The following ATXN1 variants were observed in gnomAD, a reference collection of about 807,000 sequenced individuals.
The protein encoded by ATXN1 is ataxin 1.
A neutral mutation model predicts 56.4 loss-of-function variants in ATXN1; 8 were observed. That is an observed-to-expected ratio of 0.14 (90% CI 0.08 to 0.26). The LOEUF (loss-of-function observed/expected upper bound fraction) is 0.26. Among genes scored for constraint, ATXN1 ranks in the 10% least tolerant of loss-of-function variants. The pLI is 1.00. For synonymous variants in ATXN1, 514 were observed against 494.6 expected (o/e 1.04, Z -0.52); for missense variants, 987 against 1,106.5 (o/e 0.89, Z 1.53).
At chr6:16,364,065 A>C (rs1761867410) in intron 6 of ATXN1, among the ~76,000 whole-genome samples, 1 of 152,124 alleles carries the variant, frequency 6.6e-6, no homozygotes, top group Admixed American at 6.5e-5. Flanking sequence ...CAGAACTTGA[A>C]AGTGTCCAGT....
At chr6:16,369,347 G>C (rs755114050) in intron 6 of ATXN1, among the ~76,000 whole-genome samples, 1 of 151,998 alleles carries the variant, frequency 6.6e-6, no homozygotes, top group Non-Finnish European at 1.5e-5. Context: ...TCCCTCCTTC[G>C]TACCTCCACC....
chr6:16,561,372 C>A (rs567640274), intron 4 of ATXN1, among the ~76,000 whole-genome samples: 8 of 152,150 alleles, frequency 5.3e-5, no homozygotes, highest in Middle Eastern at 3.2e-3. Flanking sequence ...GACTATACAA[C>A]AACCCTCTCC....
chr6:16,519,192 G>A (rs577372161), intron 5 of ATXN1, among the ~76,000 whole-genome samples: 2 of 152,226 alleles, frequency 1.3e-5, no homozygotes, highest in Non-Finnish European at 2.9e-5. Context: ...TATCCTTGAA[G>A]GGCTTAGCCT....
intron 3 of ATXN1, among the ~76,000 whole-genome samples, chr6:16,644,711 A>G (rs1274032401): frequency 2.0e-5 from 3 of 151,976 alleles, no homozygotes; most frequent in African/African-American, 7.2e-5. Flanking sequence ...TGGCTCTCCA[A>G]AGTGGGTGAG....
Position 16,320,711 on chromosome 6 carries a change from G to A in ATXN1, c.1917+5683C>T, listed in dbSNP as rs566284489. ...CCTGGGAGCCCTTGTTTCTGCATTG[G>A]TTGTCTTACTGATCTGGAGGGCTGG... On this transcript the variant is annotated intron_variant, in intron 7 of 7. Coordinates refer to ENST00000436367, the MANE Select transcript of ATXN1 (RefSeq NM_001128164.2). 2.6e-5 allele frequency among the ~76,000 whole-genome samples: 4 copies of A among 152,352 alleles called. No individual in the cohort carries two copies. The East Asian group carries it at 7.7e-4, about 29-fold the overall frequency.
intron 6 of ATXN1, among the ~76,000 whole-genome samples, chr6:16,446,206 G>A (rs946929626): frequency 1.3e-5 from 2 of 151,756 alleles, no homozygotes; most frequent in Non-Finnish European, 2.9e-5. Context: ...ACTTTTTAAT[G>A]ATTGCCATTC....
intron 2 of ATXN1, among the ~76,000 whole-genome samples, chr6:16,670,413 C>T (rs1758516695): frequency 6.6e-6 from 1 of 152,132 alleles, no homozygotes; most frequent in Admixed American, 6.5e-5. Flanking sequence ...TCCAAACTAT[C>T]ACTAAAGAGG....
chr6:16,508,710 C>T (rs886672559), intron 5 of ATXN1, among the ~76,000 whole-genome samples: 6 of 152,146 alleles, frequency 3.9e-5, no homozygotes, highest in Non-Finnish European at 8.8e-5. Flanking sequence ...GAAAACGATA[C>T]AGCAGTTCAT....
At chr6:16,473,878 G>A (rs1760271174) in intron 6 of ATXN1, among the ~76,000 whole-genome samples, 1 of 152,092 alleles carries the variant, frequency 6.6e-6, no homozygotes, top group Non-Finnish European at 1.5e-5. Context: ...GCTATCCCTG[G>A]GTCATCTCTT....
chr6:16,369,266 A>T (rs1373511922), intron 6 of ATXN1, among the ~76,000 whole-genome samples: 1 of 152,230 alleles, frequency 6.6e-6, no homozygotes, highest in Admixed American at 6.5e-5. Flanking sequence ...AATGGGCAGT[A>T]TGTGGTTTCC....
chr6:16,671,343 A>G (rs1017644478), intron 2 of ATXN1, among the ~76,000 whole-genome samples: 1 of 150,202 alleles, frequency 6.7e-6, no homozygotes, highest in African/African-American at 2.5e-5. Context: ...GTAACAGAAT[A>G]AGAGAAGTAC....
intron 3 of ATXN1, among the ~76,000 whole-genome samples, chr6:16,594,826 C>T (rs7764974): frequency 0.078 from 11,796 of 152,184 alleles, 1,481 homozygotes; most frequent in African/African-American, 0.26. Flanking sequence ...AGCATCCTGT[C>T]CCTGTCTCTC....
chr6:16,627,990 A>AT (rs1428971418), intron 3 of ATXN1, among the ~76,000 whole-genome samples: 1 of 152,232 alleles, frequency 6.6e-6, no homozygotes, highest in Non-Finnish European at 1.5e-5. Flanking sequence ...GCAAACAGAA[A>AT]TTACTACAAT....
chr6:16,603,280 C>T (rs186256982), intron 3 of ATXN1, among the ~76,000 whole-genome samples: 1 of 152,306 alleles, frequency 6.6e-6, no homozygotes, highest in Admixed American at 6.5e-5. Flanking sequence ...TTTCTCCTTC[C>T]AAGAGGCTTT....
chr6:16,331,926 A>G (rs1157568559), intron 6 of ATXN1, among the ~76,000 whole-genome samples: 1 of 152,256 alleles, frequency 6.6e-6, no homozygotes, highest in Non-Finnish European at 1.5e-5. Flanking sequence ...TCAGCCCTGA[A>G]GACTCACTGG....
At chr6:16,610,973 C>T (rs7746693) in intron 3 of ATXN1, among the ~76,000 whole-genome samples, 111,236 of 151,936 alleles carry the variant, frequency 0.73, 41,222 homozygotes, top group East Asian at 0.98. Context: ...AAGGCTGCAG[C>T]GAGTTATGAT....
chr6:16,667,607 C>T (rs1758453588), intron 2 of ATXN1: 4 of 152,166 alleles, frequency 2.6e-5, no homozygotes, highest in African/African-American at 7.2e-5. Context: ...CAGCCCAGCC[C>T]GAATCCCCTG....
At chr6:16,416,528 C>T (rs1191393161) in intron 6 of ATXN1, among the ~76,000 whole-genome samples, 1 of 152,210 alleles carries the variant, frequency 6.6e-6, no homozygotes, top group Non-Finnish European at 1.5e-5. Context: ...TCAGACAATG[C>T]ATGAAAAGTA....
intron 7 of ATXN1, among the ~76,000 whole-genome samples, chr6:16,320,641 C>T (rs1487396536): frequency 6.6e-6 from 1 of 152,264 alleles, no homozygotes; most frequent in Non-Finnish European, 1.5e-5. Flanking sequence ...CTGGGCAGGG[C>T]TGTCCCAGCG....
Sources: gnomAD v4.1 joint callset for allele counts (sites outside exome capture counted in the v4.1 genomes callset) on GRCh38, gnomAD v4.1.1 for gene constraint, MANE v1.5 for transcripts, NCBI Gene and HGNC (gene_info 2026-07-23, HGNC 2026-07-21) for gene names.